AGAP6: variants seen among roughly 807,000 people sequenced by gnomAD.
AGAP6 encodes ArfGAP with GTPase domain, ankyrin repeat and PH domain 6.
In AGAP6, 29 loss-of-function variants were observed where a neutral mutation model predicts 63.9. The observed-to-expected ratio is 0.45, with a 90% CI of 0.34 to 0.62. The LOEUF (loss-of-function observed/expected upper bound fraction) is 0.62. Among genes scored for constraint, AGAP6 ranks in the 20% least tolerant of loss-of-function variants. The pLI, the probability that AGAP6 is intolerant of heterozygous loss-of-function variation, is 0.01. For synonymous variants in AGAP6, 199 were observed against 332.9 expected, an observed-to-expected ratio of 0.60 and a Z score of 4.38; for missense variants, 493 against 884.9, an observed-to-expected ratio of 0.56 and a Z score of 5.62.
At chr10:50,005,311 C>G (rs1446157395) in intron 6 of AGAP6, among the ~76,000 whole-genome samples, 2 of 152,180 alleles carry the variant, frequency 1.3e-5, no homozygotes, top group Admixed American at 1.3e-4. Flanking sequence ...TTGCAATTTG[C>G]TTTAAAGAAG....
At chr10:50,003,362 G>A (rs375859855) in intron 5 of AGAP6, among the ~76,000 whole-genome samples, 4,167 of 151,164 alleles carry the variant, frequency 0.028, 78 homozygotes, top group South Asian at 0.074. Flanking sequence ...GGTGGAACTC[G>A]CTGAGATCAC....
intron 7 of AGAP6, 39 bp from the exon 8 acceptor site, chr10:50,008,672 C>T: frequency 6.2e-7 from 1 of 1,613,958 alleles, no homozygotes; most frequent in South Asian, 1.1e-5. Context: ...CAAGCCACTA[C>T]CCAATTTTTG....
chr10:49,996,271 A>T (rs1841482982), intron 4 of AGAP6, among the ~76,000 whole-genome samples: 1 of 151,504 alleles, frequency 6.6e-6, no homozygotes. Flanking sequence ...CCTGATTTTG[A>T]CTGGTCCTAT....
chr10:50,006,764 CA>C (rs555257489), intron 6 of AGAP6, among the ~76,000 whole-genome samples: 9 of 148,894 alleles, frequency 6.0e-5, no homozygotes, highest in Admixed American at 2.0e-4. Flanking sequence ...TCTTTAAAAA[CA>C]AAAAAAAAAG....
rs1564712120 is a variant in AGAP6, at chr10:50,002,033, G to C, written c.434G>C (p.Cys145Ser). ...CGTTTCAGTCAACAATACAGCTTGTGTTCGACAATATTCCTTGATGACAGC... is the reference window on the plus strand; with the variant it reads ...CGTTTCAGTCAACAATACAGCTTGTCTTCGACAATATTCCTTGATGACAGC... ...AVRFSQQYSL[C>S]STIFLDDSTA... The change falls in exon 5 of 8, where the codon TGT (cysteine) becomes TCT (serine). Residue 145 changes from cysteine to serine, a missense_variant. This residue lies in a region of AGAP6 where 342 missense variants were observed against 533.4 expected (regional missense o/e 0.64). Transcript: ENST00000412531. 1 of 1,612,586 alleles carries C rather than the reference G, an allele frequency of 6.2e-7. No homozygotes were observed. The highest frequency in any genetic ancestry group is 8.5e-7 in the Non-Finnish European group (1 of 1,179,966).
rs781925022 is a variant in AGAP6, at chr10:50,009,995, G to A, written c.1870G>A (p.Gly624Ser). 4.0e-5 allele frequency: 64 copies of A among 1,611,720 alleles called. No homozygotes were observed. The highest frequency in any genetic ancestry group is 3.4e-5 in the Non-Finnish European group (40 of 1,179,840). The change falls in exon 8 of 8, where the codon GGC becomes AGC. Residue 624 changes from glycine to serine, a missense_variant. Around this residue, in one of 7 missense-constraint regions of AGAP6, gnomAD observed 34 missense variants for 82.7 expected, o/e 0.41. Coordinates refer to ENST00000412531, the MANE Select transcript of AGAP6 (RefSeq NM_001077665.3). ...GAACGAGACCTGTGGGGAGGGAGAC[G>A]GCTGCACGGCGCTCCATCTGGCCTG... is the stretch of plus-strand genomic sequence containing the variant. ...EVNETCGEGD[G>S]CTALHLACRK... is the part of the protein sequence containing the mutation.
At position 50,009,605 on chromosome 10, in the gene AGAP6, T is replaced by C. The variant is rs782649939; in HGVS notation, c.1480T>C (p.Leu494=). The C allele has an allele frequency of 2.0e-5, 32 of 1,613,968 alleles. No individual in the cohort carries two copies. In the African/African-American group the frequency reaches 3.5e-4, roughly 17 times the overall value. Residue 494 remains leucine (L), a synonymous_variant, in exon 8 of 8, where the codon TTG becomes CTG. Transcript: ENST00000412531. ...TQNPKWASLN[L]GVLMCIECSG... ...GAATCCTAAGTGGGCCAGTTTGAAC[T>C]TGGGAGTCCTCATGTGTATTGAATG...
chr10:50,009,188 A>C lies in AGAP6; in HGVS notation c.1063A>C (p.Ile355Leu). The change falls in exon 8 of 8, where the codon ATC (isoleucine) becomes CTC (leucine). Residue 355 changes from isoleucine to leucine, a missense_variant. Coordinates refer to ENST00000412531, the MANE Select transcript of AGAP6 (RefSeq NM_001077665.3). ...CCTAGCCACATCGGCCTGCACACCCATCTCCAGCTCTAAAAGCAATGGCCT... is the reference window on the plus strand; with the variant it reads ...CCTAGCCACATCGGCCTGCACACCCCTCTCCAGCTCTAAAAGCAATGGCCT... ...PSLATSACTP[I>L]SSSKSNGLSK... The C allele has an allele frequency of 6.2e-7, 1 of 1,614,106 alleles. No homozygotes were observed. The highest frequency in any genetic ancestry group is 1.1e-5 in the South Asian group (1 of 91,086).
At position 50,009,779 on chromosome 10, in the gene AGAP6, A is replaced by T. The variant is rs1554865345; in HGVS notation, c.1654A>T (p.Thr552Ser). 3.1e-6 allele frequency: 5 copies of T among 1,613,852 alleles called. No individual in the cohort carries two copies. Among genetic ancestry groups the T allele is most frequent in the African/African-American group, 1.3e-5 (1 of 74,932 alleles). ...SIWEGSSQGQ[T>S]KPSEKSTREE... Reference sequence around the variant, plus strand: ...CTGGGAAGGGAGCAGCCAGGGGCAGACAAAACCCTCAGAAAAGTCCACGAG... The same window carrying T: ...CTGGGAAGGGAGCAGCCAGGGGCAGTCAAAACCCTCAGAAAAGTCCACGAG... Residue 552 changes from threonine to serine, a missense_variant, in exon 8 of 8, where the codon ACA becomes TCA. Transcript: ENST00000412531.
In AGAP6 at chr10:49,988,832, G is replaced by A. The variant is rs782302500; in HGVS notation, c.117G>A (p.Arg39=). The part of the protein sequence containing the change: ...SETYEAGARD[R]MAGAPMAAAV... Reference sequence around the variant, plus strand: ...CCTATGAGGCAGGAGCTAGGGACAGGATGGCAGGAGCGCCCATGGCTGCTG... The same window carrying A: ...CCTATGAGGCAGGAGCTAGGGACAGAATGGCAGGAGCGCCCATGGCTGCTG... Residue 39 remains arginine, a synonymous_variant, in exon 1 of 8, where the codon AGG becomes AGA. Transcript: ENST00000412531. 1 of 1,552,300 alleles carries A rather than the reference G, an allele frequency of 6.4e-7. No homozygotes were observed. The highest frequency in any genetic ancestry group is 1.1e-5 in the South Asian group (1 of 89,104).
intron 2 of AGAP6, among the ~76,000 whole-genome samples, chr10:49,991,146 T>C (rs1287593019): frequency 8.5e-5 from 13 of 152,066 alleles, no homozygotes; most frequent in African/African-American, 3.1e-4. Flanking sequence ...AAATGAAAAC[T>C]TAGAGATATC....
chr10:49,992,280 T>C (rs1589084531), intron 3 of AGAP6, among the ~76,000 whole-genome samples: 2 of 152,150 alleles, frequency 1.3e-5, no homozygotes, highest in East Asian at 3.8e-4. Context: ...AACTTTTTCA[T>C]TTGATGTAAT....
intron 3 of AGAP6, among the ~76,000 whole-genome samples, chr10:49,993,947 G>A (rs1268029955): frequency 3.3e-5 from 5 of 152,082 alleles, no homozygotes; most frequent in Admixed American, 3.3e-4. Context: ...ATGCTTACAG[G>A]GATTCTGTTG....
At chr10:49,991,806 T>C in intron 3 of AGAP6, 62 bp downstream of exon 3, 9 of 1,588,702 alleles carry the variant, frequency 5.7e-6, no homozygotes, top group Non-Finnish European at 7.6e-6. Flanking sequence ...GATCAGGTTA[T>C]AGAAAGTATT....
At chr10:49,991,905 TATG>T (rs1258799667) in intron 3 of AGAP6, among the ~76,000 whole-genome samples, 161 bp downstream of exon 3, 4 of 152,040 alleles carry the variant, frequency 2.6e-5, no homozygotes, top group Non-Finnish European at 5.9e-5. Flanking sequence ...CTTTAGTTGT[TATG>T]ATGTTAGTGA....
At position 49,991,676 on chromosome 10, in the gene AGAP6, C is replaced by T; in HGVS notation, c.293C>T (p.Ala98Val). Reference sequence around the variant, plus strand: ...TTCTTTTCTTCCTCTGTGCATATAGCTTTGGAGTTTAACCCTTCTGCCAAT... The same window carrying T: ...TTCTTTTCTTCCTCTGTGCATATAGTTTTGGAGTTTAACCCTTCTGCCAAT... Reference protein sequence around the residue: ...TIFQRNSQTEALEFNPSANPE... With the variant: ...TIFQRNSQTEVLEFNPSANPE... Residue 98 changes from alanine to valine, a missense_variant and splice_region_variant, in exon 3 of 8, where the codon GCT (alanine) becomes GTT (valine). Ala to Val is a moderately conservative substitution (Grantham distance 64, BLOSUM62 0). Coordinates refer to ENST00000412531, the MANE Select transcript of AGAP6 (RefSeq NM_001077665.3). 1 of 1,598,440 alleles carries T rather than the reference C, an allele frequency of 6.3e-7. No homozygotes were observed. Among genetic ancestry groups the T allele is most frequent in the Non-Finnish European group, 8.5e-7 (1 of 1,179,706 alleles).
intron 4 of AGAP6, among the ~76,000 whole-genome samples, chr10:50,001,039 A>G (rs1369354454): frequency 6.6e-6 from 1 of 152,118 alleles, no homozygotes; most frequent in Non-Finnish European, 1.5e-5. Context: ...TAGTAAATAA[A>G]TAATAGAAGG....
Position 50,008,011 on chromosome 10 carries a change from T to C in AGAP6, c.534-14T>C, listed in dbSNP as rs782717431. On this transcript the variant is annotated splice_polypyrimidine_tract_variant and intron_variant, in intron 6 of 7. Coordinates refer to ENST00000412531, the MANE Select transcript of AGAP6 (RefSeq NM_001077665.3). Reference sequence around the variant, plus strand: ...TTAACAGTTTTTGAAGTAATGCGCTTTCTTATTTTATAGAGATGCAGATAG... The same window carrying C: ...TTAACAGTTTTTGAAGTAATGCGCTCTCTTATTTTATAGAGATGCAGATAG... The C allele has an allele frequency of 2.4e-5, 39 of 1,611,754 alleles. No homozygotes were observed. The Middle Eastern group carries it at 2.0e-3, about 84-fold the overall frequency.
At position 50,008,848 on chromosome 10, in the gene AGAP6, G is replaced by C. The variant is rs373725135; in HGVS notation, c.723G>C (p.Thr241=). Residue 241 remains threonine (T), a synonymous_variant, in exon 8 of 8, where the codon ACG becomes ACC. Transcript: ENST00000412531. The stretch of plus-strand genomic sequence containing the variant: ...TTCCTCCCACTGCCAACACACCCAC[G>C]CCCGTTTGCAAGCGGTCCATGCGCT... The part of the protein sequence containing the change: ...FSVPPTANTP[T]PVCKRSMRWS... 9 of 1,613,862 alleles carry C rather than the reference G, an allele frequency of 5.6e-6. No individual in the cohort carries two copies. In the South Asian group the frequency reaches 7.7e-5, roughly 14 times the overall value.
Sources: gnomAD v4.1 joint callset for allele counts (sites outside exome capture counted in the v4.1 genomes callset) on GRCh38, gnomAD v4.1.1 for gene constraint, gnomAD v4.1.1 regional missense constraint, MANE v1.5 for transcripts, NCBI Gene and HGNC (gene_info 2026-07-23, HGNC 2026-07-21) for gene names.